RXFP1: variants seen among roughly 807,000 people sequenced by gnomAD.
RXFP1 encodes relaxin family peptide receptor 1.
Under a neutral mutation model 89.8 loss-of-function variants are expected in RXFP1, and 73 were observed. The observed-to-expected ratio is 0.81, with a 90% confidence interval of 0.67 to 0.99. The LOEUF is 0.99. Ranked by LOEUF, RXFP1 falls within the 50% of genes least tolerant of loss-of-function variation. The pLI is 0.00. For synonymous variants in RXFP1, 277 were observed against 305.5 expected, an observed-to-expected ratio of 0.91 and a Z score of 0.97; for missense variants, 793 against 895.5, an observed-to-expected ratio of 0.89 and a Z score of 1.46.
intron 12 of RXFP1, among the ~76,000 whole-genome samples, chr4:158,637,475 C>T (rs1458111035): frequency 6.6e-6 from 1 of 152,158 alleles, no homozygotes; most frequent in Non-Finnish European, 1.5e-5. Flanking sequence ...GTTTGCATTT[C>T]TCTGATGATT....
At chr4:158,624,003 C>A (rs951093340) in intron 9 of RXFP1, among the ~76,000 whole-genome samples, 3 of 151,988 alleles carry the variant, frequency 2.0e-5, no homozygotes, top group African/African-American at 7.3e-5. Context: ...GGGGAAAAAA[C>A]CCCAACAACT....
At chr4:158,582,679 A>G (rs1017759322) in intron 2 of RXFP1, among the ~76,000 whole-genome samples, 6 of 152,168 alleles carry the variant, frequency 3.9e-5, no homozygotes, top group Non-Finnish European at 8.8e-5. Context: ...TTCCTGTGTC[A>G]AGCCAGAGTG....
At chr4:158,581,906 T>C (rs1387277104) in intron 2 of RXFP1, among the ~76,000 whole-genome samples, 2 of 152,178 alleles carry the variant, frequency 1.3e-5, no homozygotes, top group East Asian at 3.9e-4. Flanking sequence ...CTGCTTCCAC[T>C]CATGGCAGAA....
At chr4:158,540,425 C>T (rs918995207) in intron 1 of RXFP1, among the ~76,000 whole-genome samples, 1 of 151,928 alleles carries the variant, frequency 6.6e-6, no homozygotes, top group Non-Finnish European at 1.5e-5. Flanking sequence ...CAATCTAATA[C>T]ATTATAATTA....
intron 17 of RXFP1, 149 bp downstream of exon 17, chr4:158,648,866 A>G (rs1435878375): frequency 1.7e-6 from 1 of 588,146 alleles, no homozygotes; most frequent in African/African-American, 1.9e-5. Flanking sequence ...TAATCCCAGC[A>G]CTCTGGGAGG....
intron 1 of RXFP1, among the ~76,000 whole-genome samples, chr4:158,565,681 CATA>C (rs1753410694): frequency 6.6e-6 from 1 of 152,130 alleles, no homozygotes; most frequent in African/African-American, 2.4e-5. Context: ...CATCAGAATA[CATA>C]ATAATAATCA....
At chr4:158,599,136 T>A in intron 3 of RXFP1, 190 bp from the exon 4 acceptor site, 1 of 778,210 alleles carries the variant, frequency 1.3e-6, no homozygotes, top group Non-Finnish European at 2.0e-6. Context: ...TGCTCTACCA[T>A]CATTTTAAGG....
At position 158,644,872 on chromosome 4, in the gene RXFP1, A is replaced by G. The variant is rs1225640430; in HGVS notation, c.1116-37A>G. ...TGAATGTATGGTGACACTGAATTAAATGGAAAATCTTATTTTACTTTCTCT... is the reference window on the plus strand; with the variant it reads ...TGAATGTATGGTGACACTGAATTAAGTGGAAAATCTTATTTTACTTTCTCT... On this transcript the variant is annotated intron_variant, in intron 14 of 17. Coordinates refer to ENST00000307765, the MANE Select transcript of RXFP1 (RefSeq NM_021634.4). The G allele has an allele frequency of 2.1e-6, 3 of 1,404,022 alleles. No homozygotes were observed. The African/African-American group carries it at 4.3e-5, about 20-fold the overall frequency. The allele number at this position is 1,404,022 out of a possible 1,614,324, so 87.0% of individuals were successfully genotyped here. A position where few individuals can be genotyped will look rare whatever the true frequency, so the allele number is the denominator to read the frequency against.
At chr4:158,616,368 G>A (rs1408644317) in intron 8 of RXFP1, among the ~76,000 whole-genome samples, 1 of 152,064 alleles carries the variant, frequency 6.6e-6, no homozygotes, top group African/African-American at 2.4e-5. Context: ...AGCAGAGGTT[G>A]CAGTGAGCCA....
chr4:158,557,408 G>A (rs1194989238), intron 1 of RXFP1, among the ~76,000 whole-genome samples: 1 of 152,106 alleles, frequency 6.6e-6, no homozygotes, highest in African/African-American at 2.4e-5. Context: ...TTTGTTTAGA[G>A]ACAGAGTCTC....
chr4:158,565,351 T>C (rs1753338159), intron 1 of RXFP1, among the ~76,000 whole-genome samples: 1 of 152,110 alleles, frequency 6.6e-6, no homozygotes, highest in Non-Finnish European at 1.5e-5. Flanking sequence ...GATGGAAATG[T>C]GTGTATGTAT....
At chr4:158,595,955 C>CCTG (rs1379271765) in intron 3 of RXFP1, among the ~76,000 whole-genome samples, 2 of 150,696 alleles carry the variant, frequency 1.3e-5, no homozygotes, top group African/African-American at 4.9e-5. Flanking sequence ...TCAAGACCAG[C>CCTG]CTGGGCAACA....
chr4:158,549,953 G>C (rs1318511929), intron 1 of RXFP1, among the ~76,000 whole-genome samples: 2 of 152,178 alleles, frequency 1.3e-5, no homozygotes, highest in Non-Finnish European at 2.9e-5. Flanking sequence ...CTGCATGCTG[G>C]GAGAACCACT....
chr4:158,583,848 T>G (rs1458226296), intron 2 of RXFP1, among the ~76,000 whole-genome samples: 1 of 152,210 alleles, frequency 6.6e-6, no homozygotes, highest in African/African-American at 2.4e-5. Context: ...CCCAGGATAA[T>G]GTCACATCCT....
intron 1 of RXFP1, among the ~76,000 whole-genome samples, chr4:158,564,887 A>G (rs1282816332): frequency 2.6e-5 from 4 of 152,216 alleles, no homozygotes; most frequent in Non-Finnish European, 5.9e-5. Flanking sequence ...TTACTTTCCC[A>G]ACGTTTCCCT....
chr4:158,620,405 A>G (rs1035366633), intron 9 of RXFP1, among the ~76,000 whole-genome samples: 3 of 152,182 alleles, frequency 2.0e-5, no homozygotes, highest in African/African-American at 7.2e-5. Context: ...CTGGAGAAAT[A>G]ATAGCCAAGA....
chr4:158,596,737 C>A (rs2150079829), intron 3 of RXFP1, among the ~76,000 whole-genome samples: 1 of 152,232 alleles, frequency 6.6e-6, no homozygotes, highest in South Asian at 2.1e-4. Flanking sequence ...AAAATCCTTC[C>A]TGAGAAAAGT....
intron 5 of RXFP1, chr4:158,607,265 C>G (rs998628990): frequency 4.5e-6 from 3 of 661,558 alleles, no homozygotes; most frequent in Non-Finnish European, 8.1e-6. Context: ...ACTATGTAAG[C>G]CTGCATTCTT....
At chr4:158,579,049 G>A (rs1756819220) in intron 2 of RXFP1, among the ~76,000 whole-genome samples, 1 of 149,310 alleles carries the variant, frequency 6.7e-6, no homozygotes, top group East Asian at 2.0e-4. Flanking sequence ...CAAGAGACAG[G>A]AAATGGCATA....
Sources: gnomAD v4.1 joint callset for allele counts (sites outside exome capture counted in the v4.1 genomes callset) on GRCh38, gnomAD v4.1.1 for gene constraint, MANE v1.5 for transcripts, NCBI Gene and HGNC (gene_info 2026-07-23, HGNC 2026-07-21) for gene names.